GRID2: variants seen among roughly 807,000 people sequenced by gnomAD.
The protein encoded by GRID2 is glutamate receptor ionotropic, delta-2.
In GRID2, 33 loss-of-function variants were observed where a neutral mutation model predicts 114.8. The ratio of observed to expected loss-of-function variants is 0.29; its 90% CI spans 0.22 to 0.38. The LOEUF (loss-of-function observed/expected upper bound fraction) is 0.38, where lower values mean the gene tolerates loss of function less well. Among genes scored for constraint, GRID2 ranks in the 10% least tolerant of loss-of-function variants. The pLI is 1.00. For synonymous variants in GRID2, 505 were observed against 449.9 expected (o/e 1.12, Z -1.55); for missense variants, 1,184 against 1,257.7 (o/e 0.94, Z 0.89).
intron 2 of GRID2, among the ~76,000 whole-genome samples, chr4:92,618,596 G>A (rs911995729): frequency 6.6e-6 from 1 of 151,584 alleles, no homozygotes; most frequent in Non-Finnish European, 1.5e-5. Flanking sequence ...TGGGAAATAT[G>A]GTCATTTTAG....
chr4:93,671,105 T>G (rs1223881913), intron 14 of GRID2, among the ~76,000 whole-genome samples: 1 of 152,082 alleles, frequency 6.6e-6, no homozygotes, highest in African/African-American at 2.4e-5. Context: ...ACTGTCCTAT[T>G]TTAATAGAGA....
intron 2 of GRID2, among the ~76,000 whole-genome samples, chr4:92,849,288 C>T (rs1352280826): frequency 2.0e-5 from 3 of 151,904 alleles, no homozygotes; most frequent in Non-Finnish European, 2.9e-5. Flanking sequence ...TTCCTTAGTA[C>T]TTGCCTTTAT....
chr4:93,154,773 ACAC>A (rs533522738), intron 4 of GRID2, among the ~76,000 whole-genome samples: 2 of 150,366 alleles, frequency 1.3e-5, no homozygotes, highest in Admixed American at 6.6e-5. Flanking sequence ...AACAAAAAAA[ACAC>A]CACCACCACC....
rs1455115094 is a variant in GRID2, at chr4:92,329,733, G to A, written c.88+24989G>A. On this transcript the variant is annotated intron_variant, in intron 1 of 15. Transcript: ENST00000282020. ...CTTCCTGCAGCTTACCTCTAAAATG[G>A]AAGACAGGCAATAAAGGAATGATGA... 4.6e-5 allele frequency among the ~76,000 whole-genome samples: 7 copies of A among 151,974 alleles called. No homozygotes were observed. The East Asian group carries it at 1.4e-3, about 29-fold the overall frequency.
chr4:92,791,710 TTG>T (rs1442675120), intron 2 of GRID2, among the ~76,000 whole-genome samples: 2 of 151,850 alleles, frequency 1.3e-5, no homozygotes, highest in Non-Finnish European at 2.9e-5. Flanking sequence ...CATCACTGAA[TTG>T]TGTGAGGAGT....
chr4:92,867,804 G>A (rs908642654), intron 2 of GRID2, among the ~76,000 whole-genome samples: 1 of 152,092 alleles, frequency 6.6e-6, no homozygotes, highest in South Asian at 2.1e-4. Flanking sequence ...GGTATGTACA[G>A]CTATTCAAAT....
intron 14 of GRID2, among the ~76,000 whole-genome samples, chr4:93,738,815 T>G (rs1485700239): frequency 6.6e-6 from 1 of 152,094 alleles, no homozygotes; most frequent in Admixed American, 6.6e-5. Context: ...ATGATTATTA[T>G]GATGGAATTA....
At chr4:92,880,787 T>G (rs1412652153) in intron 2 of GRID2, among the ~76,000 whole-genome samples, 1 of 152,184 alleles carries the variant, frequency 6.6e-6, no homozygotes, top group Non-Finnish European at 1.5e-5. Flanking sequence ...AATGACGCTA[T>G]CTTGGCTGGC....
At chr4:93,407,793 C>CTCCTCG (rs1766658722) in intron 9 of GRID2, among the ~76,000 whole-genome samples, 2 of 123,214 alleles carry the variant, frequency 1.6e-5, no homozygotes, top group South Asian at 5.1e-4. Flanking sequence ...CCTCGTCCTC[C>CTCCTCG]TCCTCGTCCT....
At chr4:93,579,826 A>T (rs1031748040) in intron 13 of GRID2, among the ~76,000 whole-genome samples, 1 of 151,922 alleles carries the variant, frequency 6.6e-6, no homozygotes, top group South Asian at 2.1e-4. Flanking sequence ...AGGCTTTCCA[A>T]CTCCCTCTTG....
chr4:92,453,847 G>A (rs1721073626), intron 1 of GRID2, among the ~76,000 whole-genome samples: 1 of 151,988 alleles, frequency 6.6e-6, no homozygotes, highest in Non-Finnish European at 1.5e-5. Context: ...ACTTAATAAA[G>A]CTAAATTATA....
At chr4:93,732,045 G>A (rs1413995677) in intron 14 of GRID2, among the ~76,000 whole-genome samples, 1 of 152,170 alleles carries the variant, frequency 6.6e-6, no homozygotes, top group African/African-American at 2.4e-5. Flanking sequence ...TGGTTCCTCT[G>A]TAAAGACTGA....
chr4:93,794,025 G>GAA lies in GRID2; in HGVS notation c.222-12680_222-12679dup, dbSNP rs71581558. ...GCCTTTCTTATTTCTCCCATCTGCAGAAAAAAAAAAAGAATATGATTTACC... is the reference window on the plus strand; with the variant it reads ...GCCTTTCTTATTTCTCCCATCTGCAGAAAAAAAAAAAAAGAATATGATTTACC... On this transcript the variant is annotated intron_variant, in intron 1 of 1. Transcript: ENST00000637838. Among the ~76,000 whole-genome samples the GAA allele has an allele frequency of 4.0e-3, 589 of 146,878 alleles. 13 individuals carry two copies. The East Asian group carries it at 0.063, about 16-fold the overall frequency.
chr4:93,252,677 C>T (rs1749101112), intron 8 of GRID2, among the ~76,000 whole-genome samples: 1 of 152,028 alleles, frequency 6.6e-6, no homozygotes, highest in African/African-American at 2.4e-5. Context: ...ATTATAATGA[C>T]ATTCATTCTT....
chr4:93,193,944 A>C (rs750886922), intron 4 of GRID2, among the ~76,000 whole-genome samples: 6 of 152,220 alleles, frequency 3.9e-5, no homozygotes, highest in Non-Finnish European at 8.8e-5. Flanking sequence ...TTCCTAATAA[A>C]GATTGATTCT....
rs1737745174 is a variant in GRID2 at position 93,162,119 on chromosome 4, C to T, written c.736-45285C>T. ...TAGGACTGTCATAGTGGAAAGCATCCCATTTGAGGAAAGCCCTCCTTATTC... is the reference window on the plus strand; with the variant it reads ...TAGGACTGTCATAGTGGAAAGCATCTCATTTGAGGAAAGCCCTCCTTATTC... On this transcript the variant is annotated intron_variant, in intron 4 of 15. Transcript: ENST00000282020. Among the ~76,000 whole-genome samples, 6 of 151,658 alleles carry T rather than the reference C, an allele frequency of 4.0e-5. No individual in the cohort carries two copies. The South Asian group carries it at 1.2e-3, about 32-fold the overall frequency.
intron 8 of GRID2, chr4:93,305,992 C>T (rs1433924075): frequency 6.6e-6 from 1 of 152,166 alleles, no homozygotes. Flanking sequence ...TTTCTATTTC[C>T]ATAACTAAAT....
At chr4:93,620,275 T>C (rs948969212) in intron 13 of GRID2, among the ~76,000 whole-genome samples, 16 of 152,202 alleles carry the variant, frequency 1.1e-4, no homozygotes, top group Non-Finnish European at 1.3e-4. Context: ...CACTTTTCCA[T>C]AATTGTTCCC....
chr4:93,324,234 T>C (rs529987191), intron 8 of GRID2, among the ~76,000 whole-genome samples: 276 of 152,250 alleles, frequency 1.8e-3, no homozygotes, highest in African/African-American at 6.3e-3. Flanking sequence ...CAATAACTAG[T>C]TTATTGAGAG....
Sources: gnomAD v4.1 joint callset for allele counts (sites outside exome capture counted in the v4.1 genomes callset) on GRCh38, gnomAD v4.1.1 for gene constraint, MANE v1.5 for transcripts, NCBI Gene and HGNC (gene_info 2026-07-23, HGNC 2026-07-21) for gene names.